Variants in MAP4K4 observed in about 807,000 individuals in gnomAD.
MAP4K4 encodes the protein HPK/GCK-like kinase HGK.
In MAP4K4, 38 loss-of-function variants were observed where a neutral mutation model predicts 189.6. The ratio of observed to expected loss-of-function variants is 0.20; its 90% CI spans 0.15 to 0.26. MAP4K4 has a LOEUF of 0.26. Among genes scored for constraint, MAP4K4 ranks in the 10% least tolerant of loss-of-function variants. MAP4K4 has a pLI of 1.00. For missense variants in MAP4K4, 1,054 were observed against 1,726.9 expected, an observed-to-expected ratio of 0.61 and a Z score of 6.91; for synonymous variants, 610 against 624.3, an observed-to-expected ratio of 0.98 and a Z score of 0.34.
intron 2 of MAP4K4, among the ~76,000 whole-genome samples, chr2:101,720,114 A>C (rs1250829454): frequency 6.6e-6 from 1 of 152,118 alleles, no homozygotes. Flanking sequence ...ATGTCTGGAC[A>C]GAGATTTGTA....
At chr2:101,839,967 C>T (rs779064004) in exon 10 of MAP4K4, 14 of 1,603,436 alleles carry the variant, frequency 8.7e-6, no homozygotes, top group Non-Finnish European at 1.2e-5. Flanking sequence ...TCATATAGAT[C>T]GTACCAGGAA....
intron 2 of MAP4K4, among the ~76,000 whole-genome samples, chr2:101,699,078 G>A (rs1257083244): frequency 6.6e-6 from 1 of 152,192 alleles, no homozygotes; most frequent in African/African-American, 2.4e-5. Flanking sequence ...GGGGAAGCAG[G>A]GAGGAGTGTG....
exon 23 of MAP4K4, chr2:101,870,298 A>G (rs1468334526): frequency 1.2e-6 from 2 of 1,612,640 alleles, no homozygotes; most frequent in Non-Finnish European, 1.7e-6. Context: ...TCCATAGGTC[A>G]TCTCTGAATT....
intron 9 of MAP4K4, among the ~76,000 whole-genome samples, chr2:101,838,226 G>T (rs2149508654): frequency 6.6e-6 from 1 of 152,300 alleles, no homozygotes; most frequent in African/African-American, 2.4e-5. Context: ...CAACCTCAAA[G>T]TTTCTGGTCT....
intron 3 of MAP4K4, among the ~76,000 whole-genome samples, chr2:101,805,956 CT>C (rs2094889130): frequency 6.6e-6 from 1 of 152,154 alleles, no homozygotes; most frequent in African/African-American, 2.4e-5. Flanking sequence ...TGTCCTCCCC[CT>C]GCTCCCTTAA....
intron 23 of MAP4K4, 71 bp from the exon 24 acceptor site, chr2:101,871,423 C>A: frequency 1.7e-6 from 2 of 1,211,794 alleles, no homozygotes; most frequent in Non-Finnish European, 2.3e-6. Context: ...CACCTTAAAG[C>A]AGTTATCAAT....
At chr2:101,718,600 G>T (rs1382273536) in intron 2 of MAP4K4, among the ~76,000 whole-genome samples, 1 of 123,744 alleles carries the variant, frequency 8.1e-6, no homozygotes, top group Non-Finnish European at 1.7e-5. Context: ...GAAGGGTGGG[G>T]GATGGGGGGT....
chr2:101,859,991 T>G, intron 15 of MAP4K4, 127 bp downstream of exon 15: 1 of 986,484 alleles, frequency 1.0e-6, no homozygotes, highest in Non-Finnish European at 1.5e-6. Context: ...CTTCATTTTC[T>G]AACTAGGAAA....
At chr2:101,754,475 C>T (rs1170302178) in intron 2 of MAP4K4, among the ~76,000 whole-genome samples, 2 of 151,252 alleles carry the variant, frequency 1.3e-5, no homozygotes, top group African/African-American at 4.9e-5. Flanking sequence ...CCTCAGTTTC[C>T]CAGGTAGCTG....
intron 2 of MAP4K4, among the ~76,000 whole-genome samples, chr2:101,747,723 A>G (rs1033992296): frequency 1.3e-5 from 2 of 152,194 alleles, no homozygotes; most frequent in Non-Finnish European, 2.9e-5. Flanking sequence ...TAGAGATTAG[A>G]AAAGCTCTCT....
At chr2:101,734,789 G>C (rs1373187660) in intron 2 of MAP4K4, among the ~76,000 whole-genome samples, 1 of 152,158 alleles carries the variant, frequency 6.6e-6, no homozygotes, top group African/African-American at 2.4e-5. Context: ...TTGGCCTGCT[G>C]TTCAGGGAAT....
intron 2 of MAP4K4, among the ~76,000 whole-genome samples, chr2:101,745,333 C>T (rs1323793072): frequency 7.8e-6 from 1 of 128,782 alleles, no homozygotes; most frequent in Non-Finnish European, 1.6e-5. Context: ...ATATCACCCC[C>T]CCCCCCCCAA....
At chr2:101,725,982 A>G (rs1405114544) in intron 2 of MAP4K4, among the ~76,000 whole-genome samples, 1 of 141,134 alleles carries the variant, frequency 7.1e-6, no homozygotes, top group Non-Finnish European at 1.5e-5. Context: ...GAGTGTTCTT[A>G]TGAGTCTCCT....
intron 2 of MAP4K4, among the ~76,000 whole-genome samples, chr2:101,718,353 A>G (rs1187534840): frequency 6.6e-6 from 1 of 151,968 alleles, no homozygotes; most frequent in African/African-American, 2.4e-5. Context: ...ATGTGCATGG[A>G]GAGGTTAAGT....
At chr2:101,716,654 A>G (rs985848423) in intron 2 of MAP4K4, among the ~76,000 whole-genome samples, 58 of 152,248 alleles carry the variant, frequency 3.8e-4, no homozygotes, top group Admixed American at 3.6e-3. Flanking sequence ...TATAAGCATC[A>G]TCATCTTTGT....
chr2:101,876,899 G>A, intron 26 of MAP4K4, 104 bp from the exon 27 acceptor site: 1 of 1,162,496 alleles, frequency 8.6e-7, no homozygotes, highest in Non-Finnish European at 1.2e-6. Context: ...GTGAATTAAG[G>A]AAGCTACACT....
intron 2 of MAP4K4, among the ~76,000 whole-genome samples, chr2:101,749,955 A>G (rs13400250): frequency 0.68 from 70,769 of 103,908 alleles, 24,921 homozygotes; most frequent in African/African-American, 0.74. Context: ...CAAAACCACA[A>G]TGAGATACCA....
chr2:101,813,053 C>T (rs894696679), intron 3 of MAP4K4, among the ~76,000 whole-genome samples: 2 of 152,024 alleles, frequency 1.3e-5, no homozygotes, highest in African/African-American at 4.8e-5. Context: ...GGCGTGAACC[C>T]AGGAGGCGGA....
chr2:101,844,393 C>A, intron 12 of MAP4K4, 82 bp downstream of exon 12: 1 of 1,113,128 alleles, frequency 9.0e-7, no homozygotes, highest in Non-Finnish European at 1.3e-6. Context: ...AGAGGAATAT[C>A]CTCTGTAGCT....
Sources: gnomAD v4.1 joint callset for allele counts (sites outside exome capture counted in the v4.1 genomes callset) on GRCh38, gnomAD v4.1.1 for gene constraint, MANE v1.5 for transcripts, NCBI Gene and HGNC (gene_info 2026-07-23, HGNC 2026-07-21) for gene names.